SLC5A4: variants seen among roughly 807,000 people sequenced by gnomAD.
SLC5A4 encodes probable glucose sensor protein SLC5A4.
Under a neutral mutation model 70.3 loss-of-function variants are expected in SLC5A4, and 55 were observed. The ratio of observed to expected loss-of-function variants is 0.78; its 90% CI spans 0.63 to 0.98. The LOEUF is 0.98. Among genes scored for constraint, SLC5A4 ranks in the 50% least tolerant of loss-of-function variants. The probability of loss-of-function intolerance (pLI) is 0.00; values close to 1 mark genes in which losing one functional copy is unlikely to be tolerated. For synonymous variants in SLC5A4, 268 were observed against 305.7 expected (o/e 0.88, Z 1.29); for missense variants, 735 against 839.2 (o/e 0.88, Z 1.53).
chr22:32,334,677 C>T, the SLC5A4 span, among the ~76,000 whole-genome samples: 1 of 152,188 alleles, frequency 6.6e-6, no homozygotes, highest in Non-Finnish European at 1.5e-5. Context: ...TCCCGAAGCT[C>T]CCTCCCTCTT....
At chr22:32,238,863 G>A (rs1926215318) in intron 6 of SLC5A4, 122 bp downstream of exon 6, 3 of 703,474 alleles carry the variant, frequency 4.3e-6, no homozygotes, top group Admixed American at 2.1e-5. Flanking sequence ...GACTCTCATA[G>A]TGGAAATGAA....
the SLC5A4 span, chr22:32,269,663 G>A: frequency 1.2e-3 from 687 of 592,086 alleles, 3 homozygotes; most frequent in Non-Finnish European, 1.0e-3. This position sits in a 1 kb window ranked among gnomAD's most constrained non-coding sequence, Gnocchi z 4.1. Flanking sequence ...TCGTCAGCTC[G>A]CTGTTATACC....
rs750967011 is a variant in SLC5A4, at chr22:32,254,162, G to A, written c.187C>T (p.Arg63Cys). The change falls in exon 2 of 15, where the codon CGT becomes TGT. Residue 63 changes from arginine to cysteine, a missense_variant. Physicochemically the swap from Arg to Cys is radical, Grantham distance 180. Transcript: ENST00000266086. ...CTTACCGGCCACCAGGCCATATCAC[G>A]ACCAGCGAGGAAGAAGCCTCCTATA... ...GTIGGFFLAG[R>C]DMAWWPMGAS... 19 of 1,613,646 alleles carry A rather than the reference G, an allele frequency of 1.2e-5. No homozygotes were observed. In the East Asian group the frequency reaches 2.7e-4, roughly 23 times the overall value.
At chr22:32,270,159 G>A in the SLC5A4 span, 54 of 634,794 alleles carry the variant, frequency 8.5e-5, no homozygotes, top group Middle Eastern at 2.9e-4. Flanking sequence ...GTACGGCAGC[G>A]ACGCCCAGTC....
chr22:32,220,996 C>G lies in SLC5A4; in HGVS notation c.1692G>C (p.Arg564=). The change falls in exon 14 of 15, where the codon CGG becomes CGC. Residue 564 remains arginine, a synonymous_variant. Coordinates refer to ENST00000266086, the MANE Select transcript of SLC5A4 (RefSeq NM_014227.3). ...VHLYRLCWVL[R]NSTEERIDID... ...TATCGATTCGCTCCTCTGTACTGTT[C>G]CGAAGAACCCAGCACAGGCGGTACA... The G allele has an allele frequency of 2.5e-6, 4 of 1,613,930 alleles. No individual in the cohort carries two copies. The highest frequency in any genetic ancestry group is 3.4e-6 in the Non-Finnish European group (4 of 1,179,822).
the SLC5A4 span, among the ~76,000 whole-genome samples, chr22:32,309,059 T>C: frequency 2.0e-5 from 3 of 152,102 alleles, no homozygotes; most frequent in Non-Finnish European, 4.4e-5. Context: ...ATTTCAGCAA[T>C]GGTTATGGTC....
the SLC5A4 span, among the ~76,000 whole-genome samples, chr22:32,322,576 ACT>A: frequency 0.011 from 1,484 of 140,974 alleles, 8 homozygotes; most frequent in Non-Finnish European, 0.015. Context: ...ACAGAGCAAG[ACT>A]CTGTCTCAAA....
At chr22:32,300,515 G>A in the SLC5A4 span, among the ~76,000 whole-genome samples, 11 of 151,576 alleles carry the variant, frequency 7.3e-5, no homozygotes, top group Admixed American at 2.6e-4. Context: ...GCCCTGCTTC[G>A]GCTCGCACAC....
At chr22:32,291,631 T>C in the SLC5A4 span, among the ~76,000 whole-genome samples, 4 of 152,184 alleles carry the variant, frequency 2.6e-5, no homozygotes, top group African/African-American at 4.8e-5. Flanking sequence ...TTCTTTGATT[T>C]CTTTACCAAG....
intron 10 of SLC5A4, among the ~76,000 whole-genome samples, chr22:32,230,276 G>A (rs1389546525): frequency 6.6e-6 from 1 of 152,114 alleles, no homozygotes; most frequent in Non-Finnish European, 1.5e-5. Flanking sequence ...AACCCTTGAT[G>A]GAGTAGGAGA....
chr22:32,354,359 G>A, the SLC5A4 span, among the ~76,000 whole-genome samples: 1 of 150,474 alleles, frequency 6.6e-6, no homozygotes, highest in African/African-American at 2.5e-5. Context: ...CAGCACTGCA[G>A]CCCCAGATAG....
the SLC5A4 span, chr22:32,270,406 G>A: frequency 2.3e-5 from 33 of 1,454,854 alleles, no homozygotes; most frequent in Middle Eastern, 3.5e-4. Context: ...CGGCTGCTAC[G>A]ACATGTGGAC....
rs962997007 is a variant in SLC5A4 at position 32,228,376 on chromosome 22, A to G, written c.1280+818T>C. On this transcript the variant is annotated intron_variant, in intron 11 of 14. Coordinates refer to ENST00000266086, the MANE Select transcript of SLC5A4 (RefSeq NM_014227.3). ...GCCAACGATGTGAATCCCTATCTCT[A>G]CTAAAAATACAAAAAATTATCTGGG... is the stretch of plus-strand genomic sequence containing the variant. Among the ~76,000 whole-genome samples the G allele has an allele frequency of 3.3e-5, 5 of 152,158 alleles. No homozygotes were observed. The East Asian group carries it at 9.7e-4, about 29-fold the overall frequency.
the SLC5A4 span, among the ~76,000 whole-genome samples, chr22:32,316,108 GAA>G: frequency 0.19 from 25,503 of 131,834 alleles, 2,351 homozygotes; most frequent in Non-Finnish European, 0.22. Context: ...GACTCTGTCT[GAA>G]AAAAAAAAAA....
the SLC5A4 span, among the ~76,000 whole-genome samples, chr22:32,344,640 A>T: frequency 6.6e-6 from 1 of 152,340 alleles, no homozygotes; most frequent in South Asian, 2.1e-4. Context: ...AATATTCAAG[A>T]AAAATTAATT....
upstream of SLC5A4, among the ~76,000 whole-genome samples, chr22:32,256,010 T>A (rs1927467271): frequency 6.6e-6 from 1 of 152,116 alleles, no homozygotes; most frequent in South Asian, 2.1e-4. Context: ...ACTCCTGGAC[T>A]ACAGCCAAGA....
chr22:32,307,123 C>T, the SLC5A4 span, among the ~76,000 whole-genome samples: 1 of 151,426 alleles, frequency 6.6e-6, no homozygotes, highest in South Asian at 2.1e-4. Context: ...TCCCTGGGAG[C>T]CCATTACCAT....
At chr22:32,329,413 C>T in the SLC5A4 span, among the ~76,000 whole-genome samples, 10 of 152,156 alleles carry the variant, frequency 6.6e-5, no homozygotes, top group East Asian at 9.7e-4. Context: ...ACAGCGGGGC[C>T]GCGGACATGC....
chr22:32,286,752 A>T, the SLC5A4 span, among the ~76,000 whole-genome samples: 2 of 152,266 alleles, frequency 1.3e-5, no homozygotes, highest in Non-Finnish European at 2.9e-5. Context: ...TTGTAAGCAT[A>T]TCTTGGCTGT....
Sources: allele counts gnomAD v4.1 joint callset (sites outside exome capture counted in the v4.1 genomes callset), GRCh38; gene constraint gnomAD v4.1.1; non-coding constraint Gnocchi (gnomAD v3.1); transcripts MANE v1.5; gene names NCBI Gene and HGNC (gene_info 2026-07-23, HGNC 2026-07-21).